The following G3BP2 variants were observed in gnomAD, a reference collection of about 807,000 sequenced individuals.
G3BP2 encodes the protein G3BP stress granule assembly factor 2, also known as ras GTPase-activating protein-binding protein 2.
Under a neutral mutation model 56.7 loss-of-function variants are expected in G3BP2, and 11 were observed. The observed-to-expected ratio is 0.19, with a 90% CI of 0.12 to 0.32. The LOEUF (loss-of-function observed/expected upper bound fraction) is 0.32, where lower values mean the gene tolerates loss of function less well. Ranked by LOEUF, G3BP2 falls within the 10% of genes least tolerant of loss-of-function variation. The probability of loss-of-function intolerance (pLI) is 1.00; values close to 1 mark genes in which losing one functional copy is unlikely to be tolerated. For synonymous variants in G3BP2, 165 were observed against 191.6 expected, an observed-to-expected ratio of 0.86 and a Z score of 1.15; for missense variants, 340 against 610.9, an observed-to-expected ratio of 0.56 and a Z score of 4.67.
At chr4:75,645,918 C>T (rs958070638) in intron 11 of G3BP2, among the ~76,000 whole-genome samples, 5 of 152,114 alleles carry the variant, frequency 3.3e-5, no homozygotes, top group African/African-American at 9.7e-5. Context: ...TCAAGTGATA[C>T]TCCCACCTCA....
At chr4:75,721,947 C>T (rs1720194341) in intron 2 of G3BP2, among the ~76,000 whole-genome samples, 1 of 152,110 alleles carries the variant, frequency 6.6e-6, no homozygotes, top group Non-Finnish European at 1.5e-5. Flanking sequence ...GAAGTATTAA[C>T]AGTGCAAGTC....
At chr4:75,687,645 T>C (rs1334756285) in intron 3 of G3BP2, among the ~76,000 whole-genome samples, 1 of 152,246 alleles carries the variant, frequency 6.6e-6, no homozygotes. Flanking sequence ...AGAACTCAAA[T>C]GTGAGGGCTA....
intron 3 of G3BP2, among the ~76,000 whole-genome samples, chr4:75,706,840 C>T (rs1719564000): frequency 6.6e-6 from 1 of 152,034 alleles, no homozygotes; most frequent in African/African-American, 2.4e-5. Flanking sequence ...AGTAGCAAAT[C>T]GGAGTGGAAA....
upstream of G3BP2, chr4:75,673,549 A>C (rs1733695169): frequency 3.7e-5 from 46 of 1,232,054 alleles, no homozygotes; most frequent in Non-Finnish European, 4.6e-5. Flanking sequence ...TCTGCGGAGC[A>C]CGCGCAGTAC....
intron 3 of G3BP2, among the ~76,000 whole-genome samples, chr4:75,687,747 G>C (rs1296531626): frequency 6.6e-6 from 1 of 152,180 alleles, no homozygotes; most frequent in East Asian, 1.9e-4. Context: ...CCGTATGACA[G>C]ATGCTCCTGA....
chr4:75,707,396 C>T (rs1333167337), intron 3 of G3BP2, among the ~76,000 whole-genome samples: 2 of 151,680 alleles, frequency 1.3e-5, no homozygotes, highest in East Asian at 3.9e-4. Context: ...CCGAGGTGGG[C>T]GGATCACGAG....
intron 8 of G3BP2, 102 bp from the exon 9 acceptor site, chr4:75,648,843 T>C: frequency 1.5e-6 from 1 of 650,320 alleles, no homozygotes; most frequent in Admixed American, 2.6e-5. Context: ...ACAGTAGTTT[T>C]AAGTTTAGAA....
chr4:75,656,344 C>G (rs1346858759), intron 5 of G3BP2, among the ~76,000 whole-genome samples: 1 of 151,720 alleles, frequency 6.6e-6, no homozygotes, highest in Admixed American at 6.6e-5. Context: ...ATCCCCTGTT[C>G]TCTCAAAAAC....
At chr4:75,710,722 A>C (rs1719722530) in intron 3 of G3BP2, among the ~76,000 whole-genome samples, 1 of 151,932 alleles carries the variant, frequency 6.6e-6, no homozygotes, top group Admixed American at 6.6e-5. Context: ...GCTAGAGTGC[A>C]GTAGTGTAAT....
intron 8 of G3BP2, among the ~76,000 whole-genome samples, chr4:75,649,968 G>A (rs760093253): frequency 2.0e-5 from 3 of 151,862 alleles, no homozygotes; most frequent in African/African-American, 7.3e-5. Flanking sequence ...CCAAGATCAC[G>A]CCACTGCACT....
chr4:75,696,516 GGTGTCCATGGTTTTGA>G (rs1719126998), intron 3 of G3BP2, among the ~76,000 whole-genome samples: 1 of 152,170 alleles, frequency 6.6e-6, no homozygotes, highest in Admixed American at 6.6e-5. Flanking sequence ...AAAGCATCAT[GGTGTCCATGGTTTTGA>G]GAGTGTGGAA....
chr4:75,673,654 A>G (rs1733707118), upstream of G3BP2: 1 of 1,228,428 alleles, frequency 8.1e-7, no homozygotes, highest in African/African-American at 1.6e-5. Context: ...CGTCACAAGC[A>G]GGCTGCCTTT....
In G3BP2 at chr4:75,721,250, C is replaced by A. The variant is rs182449719; in HGVS notation, c.-117-281G>T. Reference sequence around the variant, plus strand: ...GCCACCTCGCCCAGCCTCAACTAGTCTTTTTTTTTTTTTTTTGGGACAGGG... The same window carrying A: ...GCCACCTCGCCCAGCCTCAACTAGTATTTTTTTTTTTTTTTTGGGACAGGG... On this transcript the variant is annotated intron_variant, in intron 2 of 3. Transcript: ENST00000499709. Among the ~76,000 whole-genome samples the A allele has an allele frequency of 6.3e-3, 851 of 134,302 alleles. 17 individuals carry two copies. Among genetic ancestry groups the A allele is most frequent in the African/African-American group, 0.022 (796 of 36,514 alleles). 88.1% of individuals were successfully genotyped at this position (134,302 alleles called of 152,430 possible). A position where few individuals can be genotyped will look rare whatever the true frequency, so the allele number is the denominator to read the frequency against.
Position 75,645,049 on chromosome 4 carries a change from A to G in G3BP2, c.*381T>C, listed in dbSNP as rs1041916536. 2.1e-5 allele frequency: 4 copies of G among 194,584 alleles called. No homozygotes were observed. Among genetic ancestry groups the G allele is most frequent in the African/African-American group, 9.4e-5 (4 of 42,332 alleles). 12.1% of individuals were successfully genotyped at this position (194,584 alleles called of 1,614,324 possible). ...AAGATTCTCCAATTGCACAAATTGC[A>G]CTATTTGTGTTCCCAGCATTAACAG... On this transcript the variant is annotated 3_prime_UTR_variant, in exon 12 of 12. Transcript: ENST00000359707.
At chr4:75,674,719 T>TATATATATATATATATATA (rs57822618), upstream of G3BP2, among the ~76,000 whole-genome samples, 77 of 50,728 alleles carry the variant, frequency 1.5e-3, no homozygotes, top group South Asian at 4.2e-3. Context: ...TATATATATA[T>TATATATATATATATATATA]TTTTTTTTTT....
At chr4:75,685,267 G>A (rs1578427716) in intron 3 of G3BP2, among the ~76,000 whole-genome samples, 2 of 151,790 alleles carry the variant, frequency 1.3e-5, no homozygotes, top group African/African-American at 2.4e-5. Context: ...TTGGGAGGCC[G>A]AGGCACGTGG....
intron 3 of G3BP2, among the ~76,000 whole-genome samples, chr4:75,711,361 G>A (rs1316115569): frequency 2.0e-5 from 3 of 151,394 alleles, no homozygotes; most frequent in Admixed American, 6.6e-5. Flanking sequence ...CCTACTGTCT[G>A]TCTCTCTTAT....
At chr4:75,716,611 G>C (rs911743905) in intron 3 of G3BP2, among the ~76,000 whole-genome samples, 6 of 152,198 alleles carry the variant, frequency 3.9e-5, no homozygotes, top group Admixed American at 3.9e-4. Context: ...CGCCTCCCAG[G>C]TTCAAGCGAT....
At chr4:75,719,078 G>A (rs1352746483) in intron 3 of G3BP2, among the ~76,000 whole-genome samples, 2 of 152,158 alleles carry the variant, frequency 1.3e-5, no homozygotes, top group South Asian at 2.1e-4. Flanking sequence ...TGATAATACC[G>A]TGGCTCACGC....
Sources: allele counts gnomAD v4.1 joint callset (sites outside exome capture counted in the v4.1 genomes callset), GRCh38; gene constraint gnomAD v4.1.1; transcripts MANE v1.5; gene names NCBI Gene and HGNC (gene_info 2026-07-23, HGNC 2026-07-21).